Variants in VCAN observed in about 807,000 individuals in gnomAD.
The protein encoded by VCAN is versican, also known as versican core protein.
Under a neutral mutation model 245.5 loss-of-function variants are expected in VCAN, and 44 were observed. That is an observed-to-expected ratio of 0.18 (90% CI 0.14 to 0.23). The LOEUF is 0.23. Ranked by LOEUF, VCAN falls within the 10% of genes least tolerant of loss-of-function variation. The pLI, the probability that VCAN is intolerant of heterozygous loss-of-function variation, is 1.00. For missense variants in VCAN, 3,793 were observed against 4,057.9 expected (o/e 0.93, Z 1.77); for synonymous variants, 1,413 against 1,437.0 (o/e 0.98, Z 0.38).
intron 12 of VCAN, among the ~76,000 whole-genome samples, chr5:83,563,784 G>A (rs1408107598): frequency 6.6e-6 from 1 of 152,118 alleles, no homozygotes; most frequent in East Asian, 1.9e-4. Context: ...CAGGTGTCAT[G>A]TTTTCATAGC....
chr5:83,537,133 A>T lies in VCAN; in HGVS notation c.4130A>T (p.Asp1377Val), dbSNP rs566818429. The T allele has an allele frequency of 2.5e-6, 4 of 1,613,894 alleles. No homozygotes were observed. Among genetic ancestry groups the T allele is most frequent in the Admixed American group, 1.7e-5 (1 of 59,946 alleles). Reference protein sequence around the residue: ...LMAEILPEFPDIIEIDLYHSE... With the variant: ...LMAEILPEFPVIIEIDLYHSE... ...GCTGAAATTTTACCTGAATTCCCTGACATAATTGAAATAGACCTATACCAC... is the reference window on the plus strand; with the variant it reads ...GCTGAAATTTTACCTGAATTCCCTGTCATAATTGAAATAGACCTATACCAC... Residue 1377 changes from aspartate (D) to valine (V), a missense_variant, in exon 8 of 15, where the codon GAC becomes GTC. Coordinates refer to ENST00000265077, the MANE Select transcript of VCAN (RefSeq NM_004385.5).
chr5:83,516,021 A>G (rs111847409), intron 6 of VCAN, among the ~76,000 whole-genome samples: 1 of 152,206 alleles, frequency 6.6e-6, no homozygotes. Context: ...TCATGAGGTC[A>G]GGAGATCGAG....
chr5:83,521,473 C>G lies in VCAN; in HGVS notation c.3167C>G (p.Pro1056Arg), dbSNP rs1246526423. 1 of 1,614,054 alleles carries G rather than the reference C, an allele frequency of 6.2e-7. No homozygotes were observed. Among genetic ancestry groups the G allele is most frequent in the South Asian group, 1.1e-5 (1 of 91,078 alleles). ...GCTCTCAGTTCTACAGCTTGGACTCCCAAGGAGGCAGTAACACCACTGGAT... is the reference window on the plus strand; with the variant it reads ...GCTCTCAGTTCTACAGCTTGGACTCGCAAGGAGGCAGTAACACCACTGGAT... ...VPALSSTAWT[P>R]KEAVTPLDEQ... Residue 1056 changes from proline (P) to arginine (R), a missense_variant, in exon 7 of 15, where the codon CCC becomes CGC. Pro to Arg is a moderately radical substitution (Grantham distance 103). Transcript: ENST00000265077.
At chr5:83,523,527 A>C (rs1212967307) in intron 7 of VCAN, among the ~76,000 whole-genome samples, 2 of 152,008 alleles carry the variant, frequency 1.3e-5, no homozygotes, top group Non-Finnish European at 2.9e-5. Flanking sequence ...CCTATTGGAA[A>C]CAAACAAGTA....
intron 1 of VCAN, among the ~76,000 whole-genome samples, chr5:83,482,229 A>G (rs1483848180): frequency 6.6e-6 from 1 of 152,210 alleles, no homozygotes; most frequent in Admixed American, 6.5e-5. Context: ...CAGTTCCAGC[A>G]GAAAGATTCC....
rs184962409 is a variant in VCAN at position 83,489,684 on chromosome 5, T to C, written c.71-414T>C. ...TTATTGTAACAAACATTTTTTGTCT[T>C]TCGACCTGTAGACATAATTTTCATC... On this transcript the variant is annotated intron_variant, in intron 2 of 14. Coordinates refer to ENST00000265077, the MANE Select transcript of VCAN (RefSeq NM_004385.5). Among the ~76,000 whole-genome samples the C allele has an allele frequency of 7.5e-3, 1,148 of 152,328 alleles. 5 individuals are homozygous for C. Among genetic ancestry groups the C allele is most frequent in the Non-Finnish European group, 0.011 (775 of 68,036 alleles).
At chr5:83,476,088 G>C (rs924625312) in intron 1 of VCAN, among the ~76,000 whole-genome samples, 1 of 152,186 alleles carries the variant, frequency 6.6e-6, no homozygotes, top group African/African-American at 2.4e-5. Context: ...AACCAAAGGT[G>C]ACCATGATTA....
At position 83,507,104 on chromosome 5, in the gene VCAN, A is replaced by C. The variant is rs145959633; in HGVS notation, c.749-4999A>C. Reference sequence around the variant, plus strand: ...TACTGTTTTCAATTAGAGAAAAATAAAACATTTTCTCATGGATAGGTAACA... The same window carrying C: ...TACTGTTTTCAATTAGAGAAAAATACAACATTTTCTCATGGATAGGTAACA... On this transcript the variant is annotated intron_variant, in intron 5 of 14. Coordinates refer to ENST00000265077, the MANE Select transcript of VCAN (RefSeq NM_004385.5). Among the ~76,000 whole-genome samples the C allele has an allele frequency of 3.5e-3, 538 of 152,328 alleles. 3 individuals are homozygous for C. The highest frequency in any genetic ancestry group is 0.012 in the African/African-American group (518 of 41,572).
At chr5:83,514,028 A>C in intron 6 of VCAN, among the ~76,000 whole-genome samples, 1 of 152,200 alleles carries the variant, frequency 6.6e-6, no homozygotes, top group Non-Finnish European at 1.5e-5. Context: ...GTAGCCACAA[A>C]GACTATTATT....
chr5:83,568,596 A>T (rs1748170761), intron 12 of VCAN, among the ~76,000 whole-genome samples: 1 of 152,128 alleles, frequency 6.6e-6, no homozygotes, highest in Non-Finnish European at 1.5e-5. Context: ...TCAGATCAGG[A>T]GGAAGTGTCA....
intron 6 of VCAN, among the ~76,000 whole-genome samples, chr5:83,518,131 T>G (rs1674446431): frequency 6.6e-6 from 1 of 152,184 alleles, no homozygotes; most frequent in Non-Finnish European, 1.5e-5. Context: ...AAAACTAGCT[T>G]TAAGTCCTAT....
chr5:83,515,939 A>T (rs1485499791), intron 6 of VCAN, among the ~76,000 whole-genome samples: 1 of 152,206 alleles, frequency 6.6e-6, no homozygotes, highest in Non-Finnish European at 1.5e-5. Context: ...CTTTAAAAAG[A>T]TAGTTTGAAT....
intron 6 of VCAN, among the ~76,000 whole-genome samples, chr5:83,517,710 G>A (rs933873304): frequency 1.3e-5 from 2 of 152,110 alleles, no homozygotes; most frequent in African/African-American, 4.8e-5. Flanking sequence ...GGAGGAAAAG[G>A]TTATTTAATG....
chr5:83,562,894 T>C (rs1475114579), intron 12 of VCAN, among the ~76,000 whole-genome samples: 3 of 152,192 alleles, frequency 2.0e-5, no homozygotes, highest in Non-Finnish European at 2.9e-5. Context: ...CTGTTGATAA[T>C]TGCTGCTTTG....
chr5:83,576,000 C>T (rs1748457901), intron 13 of VCAN, among the ~76,000 whole-genome samples: 1 of 152,078 alleles, frequency 6.6e-6, no homozygotes, highest in African/African-American at 2.4e-5. Context: ...AAAAAAGATA[C>T]CCTTTTCTCT....
intron 5 of VCAN, among the ~76,000 whole-genome samples, chr5:83,506,944 C>T (rs868030878): frequency 4.6e-5 from 7 of 152,100 alleles, no homozygotes; most frequent in Middle Eastern, 3.2e-3. Flanking sequence ...GAGAATAGCA[C>T]GGGGAAGACT....
chr5:83,522,372 T>C, intron 7 of VCAN, 63 bp downstream of exon 7: 2 of 1,577,114 alleles, frequency 1.3e-6, no homozygotes, highest in Non-Finnish European at 1.7e-6. Context: ...AAAGTTACTT[T>C]TGGGGAAAAA....
At chr5:83,575,944 T>C (rs1748456113) in intron 13 of VCAN, among the ~76,000 whole-genome samples, 1 of 152,200 alleles carries the variant, frequency 6.6e-6, no homozygotes, top group South Asian at 2.1e-4. Context: ...GTCAATTCTT[T>C]ACTAATCAGA....
At position 83,528,020 on chromosome 5, in the gene VCAN, C is replaced by T. The variant is rs371153862; in HGVS notation, c.4003+5711C>T. On this transcript the variant is annotated intron_variant, in intron 7 of 14. Transcript: ENST00000265077. ...AGAGCACAGTCAATCAAATTACCTT[C>T]GGGTAAAGCTATAGCATGTCTAGTC... Among the ~76,000 whole-genome samples, 10 of 152,276 alleles carry T rather than the reference C, an allele frequency of 6.6e-5. No individual in the cohort carries two copies. The East Asian group carries it at 1.2e-3, about 18-fold the overall frequency.
Sources: allele counts gnomAD v4.1 joint callset (sites outside exome capture counted in the v4.1 genomes callset), GRCh38; gene constraint gnomAD v4.1.1; transcripts MANE v1.5; gene names NCBI Gene and HGNC (gene_info 2026-07-23, HGNC 2026-07-21).